SPON1: variants seen among roughly 807,000 people sequenced by gnomAD.
The protein encoded by SPON1 is spondin 1.
In SPON1, 52 loss-of-function variants were observed where a neutral mutation model predicts 111.7. That is an observed-to-expected ratio of 0.47 (90% CI 0.37 to 0.59). SPON1 has a LOEUF of 0.59. Among genes scored for constraint, SPON1 ranks in the 20% least tolerant of loss-of-function variants. The pLI, the probability that SPON1 is intolerant of heterozygous loss-of-function variation, is 0.00. For missense variants in SPON1, 957 were observed against 1,068.5 expected (o/e 0.90, Z 1.46); for synonymous variants, 410 against 395.8 (o/e 1.04, Z -0.43).
intron 6 of SPON1, among the ~76,000 whole-genome samples, chr11:14,173,917 G>A (rs548782981): frequency 6.6e-6 from 1 of 152,150 alleles, no homozygotes; most frequent in Non-Finnish European, 1.5e-5. Context: ...ATGCCTCCCA[G>A]TTAGGCTACT....
chr11:14,164,008 C>A (rs781838133), intron 6 of SPON1, among the ~76,000 whole-genome samples: 1 of 152,212 alleles, frequency 6.6e-6, no homozygotes, highest in Non-Finnish European at 1.5e-5. Context: ...CCCCTCTGGG[C>A]ATTACCTGAT....
At chr11:14,053,370 G>T (rs1554918823) in intron 3 of SPON1, among the ~76,000 whole-genome samples, 1 of 151,942 alleles carries the variant, frequency 6.6e-6, no homozygotes, top group Admixed American at 6.6e-5. Context: ...ACCTATTCTT[G>T]ATATTTCATA....
intron 8 of SPON1, among the ~76,000 whole-genome samples, chr11:14,255,441 T>C (rs1554941096): frequency 6.6e-6 from 1 of 152,246 alleles, no homozygotes; most frequent in Non-Finnish European, 1.5e-5. Flanking sequence ...AGCACAATCC[T>C]ACCATGGACA....
Position 14,196,107 on chromosome 11 carries a change from A to C in SPON1, c.826-47225A>C, listed in dbSNP as rs114322556. Among the ~76,000 whole-genome samples the C allele has an allele frequency of 6.8e-3, 1,041 of 152,246 alleles. 16 individuals are homozygous for C. The highest frequency in any genetic ancestry group is 0.024 in the African/African-American group (984 of 41,536). On this transcript the variant is annotated intron_variant, in intron 6 of 15. Coordinates refer to ENST00000576479, the MANE Select transcript of SPON1 (RefSeq NM_006108.4). Reference sequence around the variant, plus strand: ...AGGGAGTCCAAATTCCATCCCTTTCATTTTATAGGAGAAAAAAAATTGAAG... The same window carrying C: ...AGGGAGTCCAAATTCCATCCCTTTCCTTTTATAGGAGAAAAAAAATTGAAG...
chr11:14,067,703 C>T (rs1433078208), intron 3 of SPON1, among the ~76,000 whole-genome samples: 1 of 152,178 alleles, frequency 6.6e-6, no homozygotes, highest in Non-Finnish European at 1.5e-5. Flanking sequence ...GTTACTGAGG[C>T]CACATGTGGG....
At chr11:14,250,585 G>A (rs1168375675) in intron 7 of SPON1, among the ~76,000 whole-genome samples, 1 of 151,846 alleles carries the variant, frequency 6.6e-6, no homozygotes, top group Non-Finnish European at 1.5e-5. Context: ...TGTCTATCAT[G>A]CTTTATCATA....
In SPON1 at chr11:14,093,167, CAGA is replaced by C; in HGVS notation, c.676+13151_676+13153del. On this transcript the variant is annotated intron_variant, in intron 5 of 15. Coordinates refer to ENST00000576479, the MANE Select transcript of SPON1 (RefSeq NM_006108.4). ...GTGGAGTTCATGGACCTTAAAGTGT[CAGA>C]AGAACTGCCAGCTCCTGCAATGTCT... Among the ~76,000 whole-genome samples, 3 of 152,326 alleles carry C rather than the reference CAGA, an allele frequency of 2.0e-5. No individual in the cohort carries two copies. In the South Asian group the frequency reaches 6.2e-4, roughly 32 times the overall value.
intron 5 of SPON1, among the ~76,000 whole-genome samples, chr11:14,107,431 T>G (rs186519338): frequency 3.7e-4 from 56 of 152,254 alleles, no homozygotes; most frequent in Non-Finnish European, 7.2e-4. Flanking sequence ...CATGGATTCC[T>G]TTGCTTTGCT....
At chr11:14,030,861 A>G (rs1848553932) in intron 2 of SPON1, among the ~76,000 whole-genome samples, 1 of 152,260 alleles carries the variant, frequency 6.6e-6, no homozygotes, top group Admixed American at 6.5e-5. Flanking sequence ...CTGGGTATAT[A>G]TGCAAAGGAA....
At chr11:13,971,425 C>T (rs1848062371) in intron 1 of SPON1, among the ~76,000 whole-genome samples, 1 of 152,148 alleles carries the variant, frequency 6.6e-6, no homozygotes, top group South Asian at 2.1e-4. Flanking sequence ...CAAACCTAGA[C>T]ATCAATTATT....
chr11:14,243,439 C>G lies in SPON1; in HGVS notation c.890+43C>G, dbSNP rs782439528. The G allele has an allele frequency of 1.1e-5, 17 of 1,531,812 alleles. 1 individual carries two copies. The South Asian group carries it at 2.0e-4, about 18-fold the overall frequency. 94.9% of individuals were successfully genotyped at this position (1,531,812 alleles called of 1,614,324 possible). A position where few individuals can be genotyped will look rare whatever the true frequency, so the allele number is the denominator to read the frequency against. ...CTTGCCTGGCCTGTCTTATCCTAGCCCCTTCTCAAAGCCACCTACCTAATG... is the reference window on the plus strand; with the variant it reads ...CTTGCCTGGCCTGTCTTATCCTAGCGCCTTCTCAAAGCCACCTACCTAATG... On this transcript the variant is annotated intron_variant, in intron 7 of 15. Transcript: ENST00000576479.
chr11:13,992,603 G>C (rs1554911322), intron 2 of SPON1, among the ~76,000 whole-genome samples: 1 of 152,156 alleles, frequency 6.6e-6, no homozygotes, highest in African/African-American at 2.4e-5. Flanking sequence ...CACCACCGGG[G>C]TATGGAAGAA....
chr11:14,112,110 AAAAAAAAAAAAAGG>A (rs1383383740), intron 5 of SPON1, among the ~76,000 whole-genome samples: 2 of 136,880 alleles, frequency 1.5e-5, no homozygotes, highest in Non-Finnish European at 3.2e-5. Flanking sequence ...TTTGCAGGGG[AAAAAAAAAAAAAGG>A]AAAAAGAAAA....
At chr11:13,997,109 A>G (rs972878293) in intron 2 of SPON1, among the ~76,000 whole-genome samples, 3 of 152,236 alleles carry the variant, frequency 2.0e-5, no homozygotes, top group Admixed American at 6.5e-5. Context: ...CTCTCTGTAC[A>G]TACTCACATG....
At chr11:13,970,572 A>G (rs1306246734) in intron 1 of SPON1, among the ~76,000 whole-genome samples, 1 of 152,160 alleles carries the variant, frequency 6.6e-6, no homozygotes, top group Admixed American at 6.5e-5. Context: ...TCTAGGTGCT[A>G]CAGGAAGCTC....
rs1849282750 is a variant in SPON1, at chr11:14,267,276, C to T, written c.*1589C>T. On this transcript the variant is annotated 3_prime_UTR_variant, in exon 16 of 16. Transcript: ENST00000576479. ...TTTTTATATTGTCCTCCACCTCCAT[C>T]ATTTTCAATAAAAGATAGGGCTTTT... 6.6e-6 allele frequency: 1 copy of T among 152,180 alleles called. No individual in the cohort carries two copies. Among genetic ancestry groups the T allele is most frequent in the South Asian group, 2.1e-4 (1 of 4,826 alleles). 9.4% of individuals were successfully genotyped at this position (152,180 alleles called of 1,614,324 possible). A position where few individuals can be genotyped will look rare whatever the true frequency, so the allele number is the denominator to read the frequency against.
chr11:13,979,365 A>G (rs1388021715), intron 1 of SPON1, among the ~76,000 whole-genome samples: 2 of 152,208 alleles, frequency 1.3e-5, no homozygotes, highest in Non-Finnish European at 2.9e-5. Context: ...GCATCTGCAA[A>G]GACCCTATTT....
chr11:14,172,745 C>G (rs547457062), intron 6 of SPON1, among the ~76,000 whole-genome samples: 2,549 of 151,862 alleles, frequency 0.017, 88 homozygotes, highest in African/African-American at 0.058. Context: ...TTCTCCTTCA[C>G]TTATGAAGCT....
chr11:14,160,547 T>TTA (rs1303169826), intron 6 of SPON1, among the ~76,000 whole-genome samples: 4 of 23,270 alleles, frequency 1.7e-4, no homozygotes, highest in African/African-American at 7.1e-4. Flanking sequence ...ATATATATAT[T>TTA]TATATATATA....
Sources: gnomAD v4.1 joint callset for allele counts (sites outside exome capture counted in the v4.1 genomes callset) on GRCh38, gnomAD v4.1.1 for gene constraint, MANE v1.5 for transcripts, NCBI Gene and HGNC (gene_info 2026-07-23, HGNC 2026-07-21) for gene names.